Variants in NEB observed in about 807,000 individuals in gnomAD.
The protein encoded by NEB is nemaline myopathy type 2.
A neutral mutation model predicts 952.2 loss-of-function variants in NEB; 512 were observed. The observed-to-expected ratio is 0.54, with a 90% CI of 0.50 to 0.58. The LOEUF is 0.58. Ranked by LOEUF, NEB falls within the 20% of genes least tolerant of loss-of-function variation. The pLI, the probability that NEB is intolerant of heterozygous loss-of-function variation, is 0.00. For synonymous variants in NEB, 2,900 were observed against 3,149.8 expected (o/e 0.92, Z 2.66); for missense variants, 8,428 against 9,231.1 (o/e 0.91, Z 3.56).
At position 151,674,604 on chromosome 2, in the gene NEB, G is replaced by C. The variant is rs538032504; in HGVS notation, c.3880-20C>G. The C allele has an allele frequency of 1.9e-6, 3 of 1,539,380 alleles. No individual in the cohort carries two copies. Among genetic ancestry groups the C allele is most frequent in the East Asian group, 2.2e-5 (1 of 44,548 alleles). ...ACAGACCTGGACAGAAAAGCAAACAGAATGTCAGCATCTGTAAGTGATTCC... is the reference window on the plus strand; with the variant it reads ...ACAGACCTGGACAGAAAAGCAAACACAATGTCAGCATCTGTAAGTGATTCC... On this transcript the variant is annotated intron_variant, in intron 35 of 181. Transcript: ENST00000397345.
At chr2:151,624,641 T>C (rs938541281) in intron 71 of NEB, among the ~76,000 whole-genome samples, 41 of 152,120 alleles carry the variant, frequency 2.7e-4, no homozygotes, top group South Asian at 4.1e-4. Flanking sequence ...TTATTATGGG[T>C]AAAGTAATAA....
intron 13 of NEB, among the ~76,000 whole-genome samples, chr2:151,698,238 T>A (rs2099611779): frequency 6.6e-6 from 1 of 152,338 alleles, no homozygotes; most frequent in South Asian, 2.1e-4. Flanking sequence ...ACAGCTTTAT[T>A]GAGATTTAAT....
chr2:151,616,836 A>G (rs1443499750), intron 75 of NEB, among the ~76,000 whole-genome samples: 1 of 152,218 alleles, frequency 6.6e-6, no homozygotes, highest in East Asian at 1.9e-4. Context: ...AACTCAATGC[A>G]TTGTGCTTAT....
rs779909544 is a variant in NEB at position 151,619,711 on chromosome 2, G to T, written c.10612C>A (p.Arg3538=). 1 of 1,613,738 alleles carries T rather than the reference G, an allele frequency of 6.2e-7. No individual in the cohort carries two copies. The stretch of plus-strand genomic sequence containing the variant: ...ATCTTGGGGTCATCGTGTACTGCTC[G>T]GGCGCCAATGTGGTGACCCAACTGT... ...RKQLGHHIGA[R]AVHDDPKIMW... Residue 3538 remains arginine, a synonymous_variant, in exon 73 of 182, where the codon CGA becomes AGA. Transcript: ENST00000397345.
intron 5 of NEB, among the ~76,000 whole-genome samples, chr2:151,726,937 C>T (rs1012707974): frequency 6.6e-6 from 1 of 151,506 alleles, no homozygotes; most frequent in Non-Finnish European, 1.5e-5. Context: ...GTAGTCCTAG[C>T]TACTAGGGAG....
Position 151,567,447 on chromosome 2 carries a change from T to C in NEB, c.17877A>G (p.Lys5959=). The change falls in exon 114 of 182, where the codon AAA becomes AAG. Residue 5959 remains lysine, a synonymous_variant. Transcript: ENST00000397345. The part of the protein sequence containing the change: ...LKYKAEHVKQ[K]GHYVGVPTMR... ...TCGTCGGGACACCAACATAATGACC[T>C]TTTTGCTTCACATGTTCAGCTTTGT... 1.2e-6 allele frequency: 2 copies of C among 1,612,614 alleles called. No homozygotes were observed. The highest frequency in any genetic ancestry group is 2.7e-5 in the African/African-American group (2 of 74,996).
At chr2:151,576,812 G>C (rs2096883447) in intron 105 of NEB, among the ~76,000 whole-genome samples, 1 of 151,912 alleles carries the variant, frequency 6.6e-6, no homozygotes, top group Non-Finnish European at 1.5e-5. Context: ...TGGGATTACA[G>C]GCATGAGCCA....
In NEB at chr2:151,627,050, G is replaced by C. The variant is rs180847025; in HGVS notation, c.10299C>G (p.Asp3433Glu). 233 of 1,613,842 alleles carry C rather than the reference G, an allele frequency of 1.4e-4. No homozygotes were observed. Among genetic ancestry groups the C allele is most frequent in the Non-Finnish European group, 1.9e-4 (224 of 1,179,874 alleles). Residue 3433 changes from aspartate to glutamate, a missense_variant, in exon 70 of 182, where the codon GAC (aspartate) becomes GAG (glutamate). Transcript: ENST00000397345. ...TCTTGGCCAGCACCTGCTCTAGAGA[G>C]TCAGTCACACTGGTAAATTTCAGCT... ...PDKLKFTSVTDSLEQVLAKNN... is the reference protein window; with the variant it reads ...PDKLKFTSVTESLEQVLAKNN...
intron 144 of NEB, 69 bp from the exon 145 acceptor site, chr2:151,531,170 A>G (rs971723052): frequency 9.4e-6 from 10 of 1,061,122 alleles, no homozygotes; most frequent in South Asian, 4.1e-5. Context: ...ATATAAATGC[A>G]AAGTTTTTTC....
chr2:151,690,811 A>C lies in NEB; in HGVS notation c.2226T>G (p.Val742=), dbSNP rs779077104. Residue 742 remains valine (V), a synonymous_variant, in exon 24 of 182, where the codon GTT becomes GTG. Transcript: ENST00000397345. Reference sequence around the variant, plus strand: ...CCGTGAATTTGGTCTTATCTGGATGAACTTTGTAGGTATGCTAGAAAAGAA... The same window carrying C: ...CCGTGAATTTGGTCTTATCTGGATGCACTTTGTAGGTATGCTAGAAAAGAA... The part of the protein sequence containing the change: ...LDQCKDHTYK[V]HPDKTKFTAV... 4.4e-6 allele frequency: 7 copies of C among 1,586,438 alleles called. No individual in the cohort carries two copies. Among genetic ancestry groups the C allele is most frequent in the Middle Eastern group, 1.7e-4 (1 of 6,034 alleles).
intron 3 of NEB, among the ~76,000 whole-genome samples, chr2:151,732,314 G>A (rs2099810919): frequency 6.6e-6 from 1 of 151,946 alleles, no homozygotes; most frequent in Admixed American, 6.6e-5. Context: ...TGAAGCTAAA[G>A]GCAAGAGCCG....
intron 48 of NEB, among the ~76,000 whole-genome samples, chr2:151,657,259 G>T (rs954439981): frequency 3.9e-5 from 6 of 152,090 alleles, no homozygotes; most frequent in Non-Finnish European, 7.4e-5. Context: ...AATAGAGATG[G>T]GAGAGAAAGT....
chr2:151,679,162 G>C (rs1454781400), intron 32 of NEB, among the ~76,000 whole-genome samples: 1 of 152,098 alleles, frequency 6.6e-6, no homozygotes, highest in Non-Finnish European at 1.5e-5. Context: ...ATAACAGATG[G>C]GGGCTTGAGC....
chr2:151,729,748 G>T, intron 3 of NEB, 92 bp from the exon 4 acceptor site: 1 of 1,309,262 alleles, frequency 7.6e-7, no homozygotes, highest in African/African-American at 1.5e-5. Context: ...GACTGCACTA[G>T]CTCGGTTGAT....
At chr2:151,695,844 C>G (rs1433328974) in intron 17 of NEB, among the ~76,000 whole-genome samples, 162 bp from the exon 18 acceptor site, 1 of 152,198 alleles carries the variant, frequency 6.6e-6, no homozygotes, top group Non-Finnish European at 1.5e-5. Flanking sequence ...GTGCAGGACA[C>G]TTGGCAGCTA....
intron 121 of NEB, 150 bp downstream of exon 121, chr2:151,561,960 T>A (rs987167597): frequency 1.5e-6 from 1 of 657,068 alleles, no homozygotes; most frequent in African/African-American, 1.8e-5. Context: ...AGCAGGACAC[T>A]AGAAGAGCTT....
chr2:151,514,436 A>C lies in NEB; in HGVS notation c.23017-8T>G. The C allele has an allele frequency of 6.3e-7, 1 of 1,575,720 alleles. No individual in the cohort carries two copies. Among genetic ancestry groups the C allele is most frequent in the Non-Finnish European group, 8.7e-7 (1 of 1,145,194 alleles). ...ATCTTTCCTGTACTCTTTCTATATC[A>C]TGAAAGAAAAGCAACAACATTGACA... On this transcript the variant is annotated splice_polypyrimidine_tract_variant and splice_region_variant and intron_variant, in intron 158 of 181. Coordinates refer to ENST00000397345, the MANE Select transcript of NEB (RefSeq NM_001164508.2).
chr2:151,534,934 A>G (rs1013453346), intron 142 of NEB, among the ~76,000 whole-genome samples: 14 of 152,234 alleles, frequency 9.2e-5, no homozygotes, highest in Admixed American at 2.6e-4. Flanking sequence ...AAGTAAATAT[A>G]CCATTGGCTA....
At chr2:151,507,529 A>C (rs151190834) in intron 162 of NEB, among the ~76,000 whole-genome samples, 3 of 152,206 alleles carry the variant, frequency 2.0e-5, no homozygotes, top group South Asian at 2.1e-4. Flanking sequence ...AGACACAGAG[A>C]TACTAGGAGA....
Sources: gnomAD v4.1 joint callset for allele counts (sites outside exome capture counted in the v4.1 genomes callset) on GRCh38, gnomAD v4.1.1 for gene constraint, MANE v1.5 for transcripts, NCBI Gene and HGNC (gene_info 2026-07-23, HGNC 2026-07-21) for gene names.